STON2: variants seen among roughly 807,000 people sequenced by gnomAD.
The protein encoded by STON2 is stonin-2.
STON2 carries 29 observed loss-of-function variants against 65.7 expected under a neutral mutation model. The observed-to-expected ratio is 0.44, with a 90% confidence interval of 0.33 to 0.60. STON2 has a LOEUF of 0.60. STON2 is among the 20% of genes least tolerant of loss of function. STON2 has a pLI of 0.03. For missense variants in STON2, 1,054 were observed against 1,118.1 expected (o/e 0.94, Z 0.82); for synonymous variants, 404 against 414.2 (o/e 0.98, Z 0.30).
chr14:81,319,926 G>A (rs1285831247), intron 5 of STON2, among the ~76,000 whole-genome samples: 1 of 152,150 alleles, frequency 6.6e-6, no homozygotes, highest in Admixed American at 6.5e-5. Flanking sequence ...CCATGTCCAG[G>A]GAACTACGTA....
rs1901231814 is a variant in STON2 at position 81,412,907 on chromosome 14, C to T, written c.-199+14195G>A. ...CATAGCGATGGCAGCTCCAGCCGGG[C>T]GATGCTTAGCACCTCCCCAGGAGAC... On this transcript the variant is annotated intron_variant, in intron 2 of 8. Coordinates refer to the STON2 transcript ENST00000553821. 12 of 615,888 alleles carry T rather than the reference C, an allele frequency of 1.9e-5. 2 individuals are homozygous for T. Among genetic ancestry groups the T allele is most frequent in the South Asian group, 1.3e-4 (6 of 45,182 alleles). The allele number at this position is 615,888 out of a possible 1,614,324, so 38.2% of individuals were successfully genotyped here.
chr14:81,432,939 T>C (rs1379242704), intron 1 of STON2, among the ~76,000 whole-genome samples: 1 of 152,182 alleles, frequency 6.6e-6, no homozygotes, highest in Non-Finnish European at 1.5e-5. Context: ...CCCCTTAGTT[T>C]AGTGGTTTTC....
chr14:81,392,489 C>T (rs78655470), intron 3 of STON2, among the ~76,000 whole-genome samples: 2,020 of 152,258 alleles, frequency 0.013, 53 homozygotes, highest in African/African-American at 0.046. Flanking sequence ...GGACAAGGAC[C>T]CCATCTTTAG....
At chr14:81,387,835 G>A (rs1375052736) in intron 3 of STON2, among the ~76,000 whole-genome samples, 3 of 150,096 alleles carry the variant, frequency 2.0e-5, no homozygotes, top group Non-Finnish European at 3.0e-5. Flanking sequence ...AGGTTGCAGT[G>A]AGCTGAGATC....
intron 2 of STON2, among the ~76,000 whole-genome samples, chr14:81,411,432 C>A (rs1425696514): frequency 2.0e-5 from 3 of 152,228 alleles, no homozygotes; most frequent in Non-Finnish European, 4.4e-5. Flanking sequence ...GAGGGCTGGG[C>A]GCACTGGCTC....
At chr14:81,322,798 GTTTTAGGGCAA>G (rs1896868810) in intron 5 of STON2, among the ~76,000 whole-genome samples, 1 of 152,210 alleles carries the variant, frequency 6.6e-6, no homozygotes, top group South Asian at 2.1e-4. Context: ...GGTACACTGT[GTTTTAGGGCAA>G]TTTGCTGCAG....
intron 3 of STON2, among the ~76,000 whole-genome samples, chr14:81,371,399 G>A (rs1256738059): frequency 2.0e-5 from 3 of 152,106 alleles, no homozygotes; most frequent in South Asian, 2.1e-4. Flanking sequence ...AAACCAGTAC[G>A]AAAAGTAAGG....
At chr14:81,431,943 C>T (rs1236366871) in intron 1 of STON2, among the ~76,000 whole-genome samples, 2 of 152,056 alleles carry the variant, frequency 1.3e-5, no homozygotes, top group Non-Finnish European at 2.9e-5. Flanking sequence ...AAAACTCTAT[C>T]TCAAAAAAAT....
chr14:81,270,937 G>C, intron 6 of STON2, 65 bp from the exon 7 acceptor site: 2 of 1,562,120 alleles, frequency 1.3e-6, no homozygotes, highest in Non-Finnish European at 1.7e-6. Flanking sequence ...GCAGCCAAAG[G>C]AGCCACTTTG....
intron 5 of STON2, among the ~76,000 whole-genome samples, chr14:81,299,336 A>G (rs1337483352): frequency 6.6e-6 from 1 of 152,256 alleles, no homozygotes; most frequent in African/African-American, 2.4e-5. Context: ...TATTATCACC[A>G]TACTAAGAAT....
rs1043571754 is a variant in STON2, at chr14:81,262,784, T to C, written c.*5630A>G. 1.0e-6 allele frequency: 1 copy of C among 985,334 alleles called. No homozygotes were observed. Among genetic ancestry groups the C allele is most frequent in the African/African-American group, 1.7e-5 (1 of 57,258 alleles). The allele number at this position is 985,334 out of a possible 1,614,324, so 61.0% of individuals were successfully genotyped here. ...CTAGAAGAAATGTAAAAATCTCACA[T>C]TCTTGTTCTAGTTAATACATGGGAG... On this transcript the variant is annotated 3_prime_UTR_variant, in exon 8 of 8. Transcript: ENST00000614646.
rs1389250971 is a variant in STON2 at position 81,265,164 on chromosome 14, TA to T, written c.*3249del. 1.0e-6 allele frequency: 1 copy of T among 985,204 alleles called. No homozygotes were observed. Among genetic ancestry groups the T allele is most frequent in the Non-Finnish European group, 1.2e-6 (1 of 829,868 alleles). 61.0% of individuals were successfully genotyped at this position (985,204 alleles called of 1,614,324 possible). On this transcript the variant is annotated 3_prime_UTR_variant, in exon 8 of 8. Coordinates refer to ENST00000614646, the MANE Select transcript of STON2 (RefSeq NM_001394390.1). ...GTAATTTGCCCAACTGTTTTCTATG[TA>T]GGTTATTACATAGCTAATTTGCCCA...
At chr14:81,417,207 G>A (rs575522619) in intron 2 of STON2, among the ~76,000 whole-genome samples, 12 of 152,182 alleles carry the variant, frequency 7.9e-5, no homozygotes, top group African/African-American at 2.6e-4. Flanking sequence ...ACTCCAGGAG[G>A]TGCCATTCAC....
intron 5 of STON2, among the ~76,000 whole-genome samples, chr14:81,322,075 T>A (rs1169157459): frequency 1.3e-5 from 2 of 152,192 alleles, no homozygotes; most frequent in Non-Finnish European, 2.9e-5. Context: ...AATAAAAACC[T>A]GTCGTGTTTG....
In STON2 at chr14:81,433,861, T is replaced by G. The variant is rs532528577; in HGVS notation, c.-310+2460A>C. ...TTGGCTGTTATAAATCACTGAGATT[T>G]GGGGGTTACTTGTTATTTACCGTTA... is the stretch of plus-strand genomic sequence containing the variant. On this transcript the variant is annotated intron_variant, in intron 1 of 8. Transcript: ENST00000553821. 9.8e-4 allele frequency among the ~76,000 whole-genome samples: 150 copies of G among 152,312 alleles called. 1 individual carries two copies. The highest frequency in any genetic ancestry group is 3.5e-3 in the African/African-American group (147 of 41,564).
chr14:81,420,020 C>T (rs1901626609), intron 2 of STON2, among the ~76,000 whole-genome samples: 2 of 152,160 alleles, frequency 1.3e-5, no homozygotes, highest in South Asian at 4.1e-4. Context: ...TCTCTTATTC[C>T]CCTTTGGTCA....
chr14:81,419,395 G>A (rs1566952345), intron 2 of STON2, among the ~76,000 whole-genome samples: 2 of 152,144 alleles, frequency 1.3e-5, no homozygotes, highest in East Asian at 3.9e-4. Flanking sequence ...TTTCACAGCT[G>A]TATCACTGAC....
chr14:81,388,550 C>G (rs1428134991), intron 3 of STON2, among the ~76,000 whole-genome samples: 1 of 152,140 alleles, frequency 6.6e-6, no homozygotes, highest in African/African-American at 2.4e-5. Context: ...TAAATACCAT[C>G]AAAAATAAGA....
chr14:81,370,169 T>C (rs1414140495), intron 4 of STON2, among the ~76,000 whole-genome samples: 3 of 152,196 alleles, frequency 2.0e-5, no homozygotes, highest in African/African-American at 7.2e-5. Flanking sequence ...AAAAATGATC[T>C]AGAAACTCTG....
Sources: allele counts gnomAD v4.1 joint callset (sites outside exome capture counted in the v4.1 genomes callset), GRCh38; gene constraint gnomAD v4.1.1; transcripts MANE v1.5; gene names NCBI Gene and HGNC (gene_info 2026-07-23, HGNC 2026-07-21).